The following PDE10A variants were observed in gnomAD, a reference collection of about 807,000 sequenced individuals.
The protein encoded by PDE10A is phosphodiesterase 10A.
A neutral mutation model predicts 97.7 loss-of-function variants in PDE10A; 39 were observed. That is an observed-to-expected ratio of 0.40 (90% CI 0.31 to 0.52). The LOEUF is 0.52. Ranked by LOEUF, PDE10A falls within the 20% of genes least tolerant of loss-of-function variation. The pLI, the probability that PDE10A is intolerant of heterozygous loss-of-function variation, is 0.56. For missense variants in PDE10A, 731 were observed against 1,047.8 expected (o/e 0.70, Z 4.17); for synonymous variants, 371 against 376.8 (o/e 0.98, Z 0.18).
intron 1 of PDE10A, among the ~76,000 whole-genome samples, chr6:165,568,676 G>T (rs1784910311): frequency 6.6e-6 from 1 of 152,056 alleles, no homozygotes; most frequent in South Asian, 2.1e-4. Context: ...TAGTGATGCT[G>T]GCAATTCAGA....
At chr6:165,417,480 G>C (rs1309646139) in intron 11 of PDE10A, among the ~76,000 whole-genome samples, 1 of 152,084 alleles carries the variant, frequency 6.6e-6, no homozygotes, top group East Asian at 1.9e-4. Flanking sequence ...ATCACACTCT[G>C]TTTTTCTTAC....
intron 18 of PDE10A, among the ~76,000 whole-genome samples, chr6:165,362,553 A>G (rs1783489850): frequency 6.6e-6 from 1 of 152,324 alleles, no homozygotes; most frequent in African/African-American, 2.4e-5. Flanking sequence ...AAGTACAAAG[A>G]CTGAATTAGC....
intron 3 of PDE10A, among the ~76,000 whole-genome samples, chr6:165,461,038 C>T (rs1029591600): frequency 6.6e-5 from 10 of 152,116 alleles, no homozygotes; most frequent in Non-Finnish European, 1.0e-4. Context: ...TAAAGAGGAA[C>T]TGGAGGCTTT....
intron 2 of PDE10A, among the ~76,000 whole-genome samples, chr6:165,532,776 C>A (rs1782861120): frequency 6.6e-6 from 1 of 152,170 alleles, no homozygotes; most frequent in Non-Finnish European, 1.5e-5. Flanking sequence ...TCAACCACTC[C>A]AAGAAAACAC....
In PDE10A at chr6:165,494,534, A is replaced by ATTTATT. The variant is rs138727157; in HGVS notation, c.995-12192_995-12191insAATAAA. ...GGTGTGTGCATATATATATATATATATATTTATTTATTTATTTAATAAAGA... is the reference window on the plus strand; with the variant it reads ...GGTGTGTGCATATATATATATATATATTTATTTATTTATTTATTTATTTAATAAAGA... On this transcript the variant is annotated intron_variant, in intron 2 of 21. Coordinates refer to ENST00000539869, the MANE Select transcript of PDE10A (RefSeq NM_001385079.1). Among the ~76,000 whole-genome samples the ATTTATT allele has an allele frequency of 1.6e-3, 234 of 144,310 alleles. 1 individual carries two copies. Among genetic ancestry groups the ATTTATT allele is most frequent in the African/African-American group, 5.3e-3 (208 of 38,954 alleles). 94.7% of individuals were successfully genotyped at this position (144,310 alleles called of 152,430 possible).
At chr6:165,371,218 A>G (rs946681284) in intron 18 of PDE10A, among the ~76,000 whole-genome samples, 1 of 151,988 alleles carries the variant, frequency 6.6e-6, no homozygotes, top group African/African-American at 2.4e-5. Context: ...AAGGCAAGAA[A>G]TAACTAAAAT....
At chr6:165,603,599 A>G (rs993304920) in intron 1 of PDE10A, among the ~76,000 whole-genome samples, 4 of 152,210 alleles carry the variant, frequency 2.6e-5, no homozygotes, top group African/African-American at 9.6e-5. Flanking sequence ...AGTGGCTCAG[A>G]TGAAAGCCCC....
chr6:165,953,914 C>G (rs1374351839), intron 1 of PDE10A, among the ~76,000 whole-genome samples: 1 of 152,214 alleles, frequency 6.6e-6, no homozygotes, highest in Admixed American at 6.5e-5. Context: ...TGTCCCACCT[C>G]TTCATCTCTC....
chr6:165,964,458 A>G (rs1168470318), intron 1 of PDE10A, among the ~76,000 whole-genome samples: 3 of 152,210 alleles, frequency 2.0e-5, no homozygotes, highest in Admixed American at 6.5e-5. Flanking sequence ...TGTTTTTAAA[A>G]TGTAGAGATG....
At chr6:165,634,977 CTA>C (rs1788806167) in intron 1 of PDE10A, among the ~76,000 whole-genome samples, 1 of 152,180 alleles carries the variant, frequency 6.6e-6, no homozygotes, top group Non-Finnish European at 1.5e-5. Flanking sequence ...GACCATCGCT[CTA>C]TGTTGCCTGG....
Position 165,860,946 on chromosome 6 carries a change from G to A in PDE10A, c.-615+126583C>T, listed in dbSNP as rs181221526. Among the ~76,000 whole-genome samples the A allele has an allele frequency of 2.4e-4, 37 of 152,338 alleles. 1 individual carries two copies. Among genetic ancestry groups the A allele is most frequent in the Middle Eastern group, 3.4e-3 (1 of 294 alleles). ...TCACTTTTGCACATCACAGGTCAGA[G>A]TCCTGGGCCATCCTGGCAGGGATGA... On this transcript the variant is annotated intron_variant, in intron 1 of 19. Coordinates refer to the PDE10A transcript ENST00000366882.
intron 1 of PDE10A, among the ~76,000 whole-genome samples, chr6:165,862,500 G>A (rs891418103): frequency 2.6e-5 from 4 of 152,098 alleles, no homozygotes; most frequent in East Asian, 1.9e-4. Flanking sequence ...TGGTCAACTC[G>A]ACCACGTTTA....
chr6:165,461,680 C>T (rs1390125339), intron 3 of PDE10A, among the ~76,000 whole-genome samples: 2 of 152,218 alleles, frequency 1.3e-5, no homozygotes, highest in Admixed American at 6.5e-5. Context: ...CATTAGGGCT[C>T]ATGTACCTCT....
chr6:165,401,516 C>A (rs1020355998), intron 13 of PDE10A, among the ~76,000 whole-genome samples: 1 of 152,210 alleles, frequency 6.6e-6, no homozygotes, highest in Non-Finnish European at 1.5e-5. Flanking sequence ...ATTAACTGAA[C>A]AACTGTACCA....
At chr6:165,968,540 C>T (rs1006117642) in intron 1 of PDE10A, among the ~76,000 whole-genome samples, 1 of 152,106 alleles carries the variant, frequency 6.6e-6, no homozygotes, top group African/African-American at 2.4e-5. Context: ...ACATGCAGCT[C>T]CAAAATTTTC....
chr6:165,381,447 G>GAATGAATGAACA (rs1562402796), intron 17 of PDE10A, among the ~76,000 whole-genome samples: 1 of 151,956 alleles, frequency 6.6e-6, no homozygotes, highest in African/African-American at 2.4e-5. Flanking sequence ...AGAGTAAAGG[G>GAATGAATGAACA]AATGAATGAA....
intron 1 of PDE10A, among the ~76,000 whole-genome samples, chr6:165,626,848 C>T (rs191061432): frequency 3.3e-5 from 5 of 152,270 alleles, no homozygotes; most frequent in African/African-American, 1.2e-4. Flanking sequence ...CTATCTGGAG[C>T]ATCAGGGACG....
At chr6:165,338,637 G>A (rs895077901) in intron 20 of PDE10A, among the ~76,000 whole-genome samples, 2 of 152,142 alleles carry the variant, frequency 1.3e-5, no homozygotes, top group Non-Finnish European at 2.9e-5. Context: ...AATCTATAAT[G>A]TAACTCTCCA....
chr6:165,734,988 A>G (rs932581717), intron 1 of PDE10A, among the ~76,000 whole-genome samples: 1 of 146,476 alleles, frequency 6.8e-6, no homozygotes, highest in Non-Finnish European at 1.5e-5. Context: ...ATAGATAGAT[A>G]GATAGTAGGT....
Sources: gnomAD v4.1 joint callset for allele counts (sites outside exome capture counted in the v4.1 genomes callset) on GRCh38, gnomAD v4.1.1 for gene constraint, MANE v1.5 for transcripts, NCBI Gene and HGNC (gene_info 2026-07-23, HGNC 2026-07-21) for gene names.